Variants in LRRC7 observed in about 807,000 individuals in gnomAD.
LRRC7 encodes the protein leucine rich repeat containing 7.
LRRC7 carries 23 observed loss-of-function variants against 175.7 expected under a neutral mutation model. That is an observed-to-expected ratio of 0.13 (90% CI 0.09 to 0.19). The LOEUF (loss-of-function observed/expected upper bound fraction) is 0.19. LRRC7 is among the 10% of genes least tolerant of loss of function. LRRC7 has a pLI of 1.00. For missense variants in LRRC7, 1,354 were observed against 1,904.7 expected (o/e 0.71, Z 5.38); for synonymous variants, 685 against 680.9 (o/e 1.01, Z -0.09).
chr1:69,613,478 A>T (rs1649127398), intron 1 of LRRC7, among the ~76,000 whole-genome samples: 1 of 151,872 alleles, frequency 6.6e-6, no homozygotes, highest in African/African-American at 2.4e-5. Flanking sequence ...TTTGATTTTC[A>T]CCTCAAATAT....
At chr1:70,052,988 C>CA (rs1316650831) in intron 22 of LRRC7, 38 bp from the exon 23 acceptor site, 2 of 1,553,646 alleles carry the variant, frequency 1.3e-6, no homozygotes, top group Non-Finnish European at 1.7e-6. Flanking sequence ...TAAACTTCTA[C>CA]TACATCACTA....
At chr1:69,971,813 A>G (rs1453934770) in intron 8 of LRRC7, among the ~76,000 whole-genome samples, 1 of 152,204 alleles carries the variant, frequency 6.6e-6, no homozygotes, top group African/African-American at 2.4e-5. Context: ...CACATAGCCA[A>G]AGCAAGACTA....
chr1:69,668,636 T>C (rs1185507263), intron 1 of LRRC7, among the ~76,000 whole-genome samples: 1 of 152,244 alleles, frequency 6.6e-6, no homozygotes, highest in Non-Finnish European at 1.5e-5. Context: ...AGTAGAATGA[T>C]TTATTATCTT....
chr1:70,038,368 G>A lies in LRRC7; in HGVS notation c.2544G>A (p.Leu848=), dbSNP rs907173771. 1.2e-6 allele frequency: 2 copies of A among 1,613,968 alleles called. No homozygotes were observed. Among genetic ancestry groups the A allele is most frequent in the African/African-American group, 2.7e-5 (2 of 74,896 alleles). The change falls in exon 21 of 27, where the codon TTG becomes TTA. Residue 848 remains leucine (L), a synonymous_variant. Transcript: ENST00000651989. ...RSTSSHGRRP[L]IRQDRIVGVP... is the part of the protein sequence containing the mutation. Reference sequence around the variant, plus strand: ...CATCTTCGCATGGACGCAGGCCTTTGATCAGGCAAGACAGGATTGTTGGTG... The same window carrying A: ...CATCTTCGCATGGACGCAGGCCTTTAATCAGGCAAGACAGGATTGTTGGTG...
At chr1:69,930,512 G>T (rs528191734) in intron 7 of LRRC7, among the ~76,000 whole-genome samples, 8 of 152,264 alleles carry the variant, frequency 5.3e-5, no homozygotes, top group Non-Finnish European at 1.0e-4. Context: ...TTTCAGAAAA[G>T]CACTGTATTT....
chr1:69,909,998 C>T (rs867847090), intron 7 of LRRC7, among the ~76,000 whole-genome samples: 5 of 152,088 alleles, frequency 3.3e-5, no homozygotes, highest in African/African-American at 1.2e-4. Flanking sequence ...CTAAACTTCC[C>T]TTCTTGCTTC....
At chr1:69,827,996 G>T (rs1350675797) in intron 5 of LRRC7, among the ~76,000 whole-genome samples, 1 of 151,964 alleles carries the variant, frequency 6.6e-6, no homozygotes, top group Non-Finnish European at 1.5e-5. Flanking sequence ...TATCCCCATT[G>T]CTTTGTCTTT....
In LRRC7 at chr1:69,678,765, A is replaced by G. The variant is rs556618449; in HGVS notation, c.100+287A>G. 3.3e-5 allele frequency among the ~76,000 whole-genome samples: 5 copies of G among 152,216 alleles called. No individual in the cohort carries two copies. The East Asian group carries it at 9.7e-4, about 29-fold the overall frequency. The stretch of plus-strand genomic sequence containing the variant: ...GTACAGTCTGACAGATCTTTCTTGT[A>G]TATTTATACCATGCATGGTAATGGT... On this transcript the variant is annotated intron_variant, in intron 2 of 26. Transcript: ENST00000651989.
rs558257934 is a variant in LRRC7 at position 69,779,564 on chromosome 1, C to G, written c.304-12479C>G. On this transcript the variant is annotated intron_variant, in intron 3 of 26. Coordinates refer to ENST00000651989, the MANE Select transcript of LRRC7 (RefSeq NM_001370785.2). ...AGCAACAGCTGTTATTCCAATAAAA[C>G]AGATATATTCCCTTCCTTCTAAGAC... 5.3e-5 allele frequency among the ~76,000 whole-genome samples: 8 copies of G among 152,242 alleles called. No homozygotes were observed. The South Asian group carries it at 1.7e-3, about 32-fold the overall frequency.
At chr1:69,863,589 T>C (rs1347085547) in intron 7 of LRRC7, among the ~76,000 whole-genome samples, 1 of 152,202 alleles carries the variant, frequency 6.6e-6, no homozygotes, top group Non-Finnish European at 1.5e-5. Flanking sequence ...TGGACAAAAG[T>C]AAACCCTATC....
chr1:69,649,300 CAAATTGTT>C (rs1655440028), intron 1 of LRRC7, among the ~76,000 whole-genome samples: 1 of 152,184 alleles, frequency 6.6e-6, no homozygotes, highest in Non-Finnish European at 1.5e-5. Flanking sequence ...TGAGTATTCT[CAAATTGTT>C]AGTTCTTGTT....
At chr1:69,951,628 G>A (rs1396099048) in intron 8 of LRRC7, among the ~76,000 whole-genome samples, 2 of 152,102 alleles carry the variant, frequency 1.3e-5, no homozygotes, top group African/African-American at 4.8e-5. Flanking sequence ...ACAAGATCAT[G>A]TCTTTCACAG....
intron 25 of LRRC7, among the ~76,000 whole-genome samples, chr1:70,107,382 C>T (rs1665215866): frequency 6.6e-6 from 1 of 152,044 alleles, no homozygotes; most frequent in South Asian, 2.1e-4. Flanking sequence ...CCTTCAACTG[C>T]CTTTAATGGA....
intron 1 of LRRC7, among the ~76,000 whole-genome samples, chr1:69,601,206 C>G (rs559201974): frequency 1.2e-4 from 18 of 152,226 alleles, no homozygotes; most frequent in African/African-American, 4.3e-4. Flanking sequence ...CTTCCAGGCC[C>G]TCTCCGCTGA....
chr1:70,115,155 G>A (rs925017038), intron 26 of LRRC7, among the ~76,000 whole-genome samples: 9 of 152,176 alleles, frequency 5.9e-5, no homozygotes, highest in Non-Finnish European at 8.8e-5. Flanking sequence ...GAAAGACAAC[G>A]GTTTTTAAAG....
intron 7 of LRRC7, among the ~76,000 whole-genome samples, chr1:69,856,280 G>C (rs1167226626): frequency 6.6e-6 from 1 of 152,122 alleles, no homozygotes; most frequent in African/African-American, 2.4e-5. Flanking sequence ...AACTGAAGGA[G>C]ATAGAAACAC....
chr1:69,977,118 C>G (rs376270282), intron 8 of LRRC7, among the ~76,000 whole-genome samples: 52 of 152,272 alleles, frequency 3.4e-4, no homozygotes, highest in African/African-American at 1.2e-3. Flanking sequence ...TTGTGCATGA[C>G]TCACTCCCTC....
intron 3 of LRRC7, among the ~76,000 whole-genome samples, chr1:69,788,799 A>T (rs1405483402): frequency 6.6e-6 from 1 of 152,180 alleles, no homozygotes; most frequent in Non-Finnish European, 1.5e-5. Flanking sequence ...TTTTCATTAC[A>T]ACTGATATTT....
intron 1 of LRRC7, among the ~76,000 whole-genome samples, chr1:69,595,794 A>G (rs1646818196): frequency 1.3e-5 from 2 of 152,162 alleles, no homozygotes. Flanking sequence ...CAAAGACTGT[A>G]CAGATATCCC....
Sources: allele counts gnomAD v4.1 joint callset (sites outside exome capture counted in the v4.1 genomes callset), GRCh38; gene constraint gnomAD v4.1.1; transcripts MANE v1.5; gene names NCBI Gene and HGNC (gene_info 2026-07-23, HGNC 2026-07-21).